Variants in FANCA observed in about 807,000 individuals in gnomAD.
FANCA encodes Fanconi anemia group A protein.
Under a neutral mutation model 194.3 loss-of-function variants are expected in FANCA, and 236 were observed. The observed-to-expected ratio is 1.21, with a 90% CI of 1.09 to 1.35. The LOEUF is 1.35. Among genes scored for constraint, FANCA ranks in the 40% most tolerant of loss-of-function variants. The pLI is 0.00. For missense variants in FANCA, 2,628 were observed against 1,813.9 expected, an observed-to-expected ratio of 1.45 and a Z score of -8.15; for synonymous variants, 1,014 against 715.8, an observed-to-expected ratio of 1.42 and a Z score of -6.65.
At chr16:89,753,496 G>C (rs1284766197) in intron 30 of FANCA, among the ~76,000 whole-genome samples, 1 of 152,124 alleles carries the variant, frequency 6.6e-6, no homozygotes. Context: ...ATATAACGCA[G>C]TTATCAATAA....
At chr16:89,787,046 G>A (rs930348904) in intron 14 of FANCA, among the ~76,000 whole-genome samples, 1 of 152,236 alleles carries the variant, frequency 6.6e-6, no homozygotes, top group African/African-American at 2.4e-5. Context: ...AAGCATCTAA[G>A]TGACACGCGC....
In FANCA at chr16:89,791,895, A is replaced by T. The variant is rs1282421763; in HGVS notation, c.1225+32T>A. On this transcript the variant is annotated intron_variant, in intron 13 of 42. Coordinates refer to ENST00000389301, the MANE Select transcript of FANCA (RefSeq NM_000135.4). Reference sequence around the variant, plus strand: ...TGACACCCCCCTACACACACTCTTGACCAGCACCACCGGGCTCGCGTAAAA... The same window carrying T: ...TGACACCCCCCTACACACACTCTTGTCCAGCACCACCGGGCTCGCGTAAAA... 3.7e-6 allele frequency: 6 copies of T among 1,613,794 alleles called. No homozygotes were observed. In the Admixed American group the frequency reaches 6.7e-5, roughly 18 times the overall value.
In FANCA at chr16:89,738,932, G is replaced by A. The variant is rs1379441535; in HGVS notation, c.4210C>T (p.Leu1404=). The change falls in exon 42 of 43, where the codon CTG becomes TTG. Residue 1404 remains leucine, a synonymous_variant. Transcript: ENST00000389301. The part of the protein sequence containing the change: ...ELITKARLFL[L]QLIPRCPKKS... ...TTCGGGCACCGAGGTATTAACTGCA[G>A]CAGAAAAAGACGAGCTTTTGTTATC... 6.8e-6 allele frequency: 11 copies of A among 1,614,154 alleles called. No individual in the cohort carries two copies. Among genetic ancestry groups the A allele is most frequent in the Non-Finnish European group, 9.3e-6 (11 of 1,180,056 alleles).
chr16:89,794,221 C>T (rs184788894), intron 11 of FANCA, among the ~76,000 whole-genome samples: 367 of 152,264 alleles, frequency 2.4e-3, no homozygotes, highest in African/African-American at 8.2e-3. Context: ...TAAATATTTT[C>T]CAATGTACCA....
chr16:89,791,389 G>A lies in FANCA; in HGVS notation c.1359+14C>T. On this transcript the variant is annotated intron_variant, in intron 14 of 42. Transcript: ENST00000389301. Reference sequence around the variant, plus strand: ...AAGATCAGGTATTAGGTAGCCGATTGGCAGGTCACTTACCTTGAACCAGTC... The same window carrying A: ...AAGATCAGGTATTAGGTAGCCGATTAGCAGGTCACTTACCTTGAACCAGTC... The A allele has an allele frequency of 6.2e-7, 1 of 1,613,324 alleles. No individual in the cohort carries two copies. The highest frequency in any genetic ancestry group is 8.5e-7 in the Non-Finnish European group (1 of 1,179,688).
At chr16:89,794,901 A>G (rs1435238664) in intron 11 of FANCA, among the ~76,000 whole-genome samples, 2 of 152,192 alleles carry the variant, frequency 1.3e-5, no homozygotes, top group Admixed American at 6.5e-5. Flanking sequence ...CAGCAAGGCA[A>G]GGGTAGCCAG....
rs1246636933 is a variant in FANCA at position 89,816,609 on chromosome 16, C to G, written c.7G>C (p.Asp3His). 1 of 1,525,048 alleles carries G rather than the reference C, an allele frequency of 6.6e-7. No homozygotes were observed. The highest frequency in any genetic ancestry group is 1.4e-5 in the African/African-American group (1 of 70,646). The allele number at this position is 1,525,048 out of a possible 1,614,324, so 94.5% of individuals were successfully genotyped here. ...GAGGCGGAGTTCGGGACCCACGAGT[C>G]GGACATGGCCTTGGCGCCTACAGCC... MS[D>H]SWVPNSASGQ... Residue 3 changes from aspartate (D) to histidine (H), a missense_variant, in exon 1 of 43, where the codon GAC (aspartate) becomes CAC (histidine). Coordinates refer to ENST00000389301, the MANE Select transcript of FANCA (RefSeq NM_000135.4).
In FANCA at chr16:89,769,891, A is replaced by G. The variant is rs1307805145; in HGVS notation, c.2450T>C (p.Leu817Pro). The G allele has an allele frequency of 6.2e-7, 1 of 1,614,108 alleles. No individual in the cohort carries two copies. Among genetic ancestry groups the G allele is most frequent in the Non-Finnish European group, 8.5e-7 (1 of 1,180,006 alleles). The part of the protein sequence containing the change: ...APGAGLPVPA[L>P]FDSLLTCRTR... ...CCTACAGGTCAGGAGGCTGTCAAAG[A>G]GCGCAGGGACAGGAAGGCCAGCACC... is the stretch of plus-strand genomic sequence containing the variant. The change falls in exon 26 of 43, where the codon CTC becomes CCC. Residue 817 changes from leucine to proline, a missense_variant. Transcript: ENST00000389301.
chr16:89,750,285 T>C (rs2038539183), intron 31 of FANCA, among the ~76,000 whole-genome samples: 1 of 150,610 alleles, frequency 6.6e-6, no homozygotes, highest in Non-Finnish European at 1.5e-5. Context: ...ATGGAGACCA[T>C]CCTGGCTAAC....
At chr16:89,784,782 G>A in intron 15 of FANCA, 72 bp downstream of exon 15, 2 of 1,204,998 alleles carry the variant, frequency 1.7e-6, no homozygotes, top group Non-Finnish European at 2.5e-6. Context: ...TCTTGGGGAG[G>A]CCAAGGCAGT....
At chr16:89,740,922 T>G (rs2062118107) in intron 37 of FANCA, 56 bp from the exon 38 acceptor site, 8 of 1,456,116 alleles carry the variant, frequency 5.5e-6, no homozygotes, top group Non-Finnish European at 5.7e-6. Flanking sequence ...GCTGTCATTC[T>G]AAATAAGGCT....
chr16:89,768,766 A>G (rs925677065), intron 26 of FANCA, among the ~76,000 whole-genome samples: 3 of 152,074 alleles, frequency 2.0e-5, no homozygotes, highest in African/African-American at 7.2e-5. Context: ...CGAGTTCAGT[A>G]TTTTGCTTTC....
intron 15 of FANCA, 61 bp downstream of exon 15, chr16:89,784,793 C>T (rs1598140476): frequency 3.8e-6 from 5 of 1,331,464 alleles, no homozygotes; most frequent in Middle Eastern, 1.8e-4. Context: ...CCAAGGCAGT[C>T]CTCAGATGCA....
intron 5 of FANCA, among the ~76,000 whole-genome samples, chr16:89,808,640 T>C (rs1440015844): frequency 6.6e-6 from 1 of 152,096 alleles, no homozygotes; most frequent in Non-Finnish European, 1.5e-5. Flanking sequence ...GTAGCCTACT[T>C]CTAACCCTTT....
intron 30 of FANCA, among the ~76,000 whole-genome samples, chr16:89,757,573 C>G (rs1409058135): frequency 6.6e-6 from 1 of 152,202 alleles, no homozygotes; most frequent in Non-Finnish European, 1.5e-5. Context: ...TTCGTGGTTG[C>G]CGCAGGCAGG....
chr16:89,751,929 C>T (rs1158559647), intron 31 of FANCA, among the ~76,000 whole-genome samples: 6 of 152,154 alleles, frequency 3.9e-5, no homozygotes, highest in South Asian at 4.2e-4. Flanking sequence ...CGCCACCACG[C>T]CCGGCTAAAT....
chr16:89,812,646 CAAAAAA>C (rs71137677), intron 3 of FANCA, among the ~76,000 whole-genome samples: 89 of 42,346 alleles, frequency 2.1e-3, no homozygotes, highest in Non-Finnish European at 3.1e-3. Flanking sequence ...TACTCCGTCT[CAAAAAA>C]AAAAAAAAAA....
At chr16:89,746,555 C>T in intron 35 of FANCA, 29 bp downstream of exon 35, 6 of 1,598,174 alleles carry the variant, frequency 3.8e-6, no homozygotes, top group Non-Finnish European at 5.1e-6. Flanking sequence ...ATCCCCAAAA[C>T]AAAACACCAA....
chr16:89,783,144 C>T, intron 15 of FANCA, 42 bp from the exon 16 acceptor site: 1 of 1,458,242 alleles, frequency 6.9e-7, no homozygotes, highest in Non-Finnish European at 9.6e-7. Flanking sequence ...AGTCTGGGAA[C>T]TGCCTGGGAC....
Sources: gnomAD v4.1 joint callset for allele counts (sites outside exome capture counted in the v4.1 genomes callset) on GRCh38, gnomAD v4.1.1 for gene constraint, MANE v1.5 for transcripts, NCBI Gene and HGNC (gene_info 2026-07-23, HGNC 2026-07-21) for gene names.